SLC12A7: variants seen among roughly 807,000 people sequenced by gnomAD.
The protein encoded by SLC12A7 is solute carrier family 12 member 7, also known as K-Cl cotransporter 4.
A neutral mutation model predicts 120.6 loss-of-function variants in SLC12A7; 100 were observed. The ratio of observed to expected loss-of-function variants is 0.83; its 90% CI spans 0.71 to 0.98. The LOEUF (loss-of-function observed/expected upper bound fraction) is 0.98. Among genes scored for constraint, SLC12A7 ranks in the 50% least tolerant of loss-of-function variants. SLC12A7 has a pLI of 0.00. For synonymous variants in SLC12A7, 760 were observed against 678.0 expected, an observed-to-expected ratio of 1.12 and a Z score of -1.88; for missense variants, 1,373 against 1,548.1, an observed-to-expected ratio of 0.89 and a Z score of 1.90.
chr5:1,068,391 G>A (rs1034049966), intron 17 of SLC12A7, among the ~76,000 whole-genome samples: 4 of 152,076 alleles, frequency 2.6e-5, no homozygotes, highest in Admixed American at 6.5e-5. Context: ...CTGAGACGGC[G>A]CCACTGCACT....
rs1561102275 is a variant in SLC12A7, at chr5:1,098,724, TCACCCAGCCCCCCTCTAACCCTCTGCA to T, written c.125-4503_125-4477del. Among the ~76,000 whole-genome samples the T allele has an allele frequency of 5.8e-4, 6 of 10,380 alleles. No individual in the cohort carries two copies. In the East Asian group the frequency reaches 7.5e-3, roughly 13 times the overall value. 6.8% of individuals were successfully genotyped at this position (10,380 alleles called of 152,430 possible). On this transcript the variant is annotated intron_variant, in intron 1 of 23. Coordinates refer to ENST00000264930, the MANE Select transcript of SLC12A7 (RefSeq NM_006598.3). ...ACCCAGCCCCCCTCTAACCCTCTGCTCACCCAGCCCCCCTCTAACCCTCTGCACACCCAGCCCCCCTCTAACCCTCTG... is the reference window on the plus strand; with the variant it reads ...ACCCAGCCCCCCTCTAACCCTCTGCTCACCCAGCCCCCCTCTAACCCTCTG...
the SLC12A7 span, among the ~76,000 whole-genome samples, chr5:1,143,696 A>C: frequency 1.2e-4 from 18 of 152,104 alleles, no homozygotes; most frequent in African/African-American, 4.3e-4. Context: ...CTTCACCCAG[A>C]GCGCTGCCAC....
At chr5:1,126,061 A>T in the SLC12A7 span, among the ~76,000 whole-genome samples, 1 of 152,122 alleles carries the variant, frequency 6.6e-6, no homozygotes, top group Non-Finnish European at 1.5e-5. Context: ...ACACAATATT[A>T]ACCCATGAAT....
intron 14 of SLC12A7, 37 bp from the exon 15 acceptor site, chr5:1,075,527 C>T: frequency 6.3e-7 from 1 of 1,587,476 alleles, no homozygotes; most frequent in Middle Eastern, 1.7e-4. Flanking sequence ...CGGCCCAACG[C>T]CATGCAGCCC....
At chr5:1,155,596 G>A in the SLC12A7 span, among the ~76,000 whole-genome samples, 23 of 151,218 alleles carry the variant, frequency 1.5e-4, no homozygotes, top group African/African-American at 5.3e-4. Context: ...CTGACCGGGA[G>A]CCCCACCCCC....
intron 11 of SLC12A7, 42 bp from the exon 12 acceptor site, chr5:1,078,049 G>C (rs927957498): frequency 1.3e-6 from 2 of 1,528,170 alleles, no homozygotes; most frequent in Non-Finnish European, 1.8e-6. Context: ...TTTCAGAAGT[G>C]AGCCTGAGTC....
At chr5:1,065,115 C>T (rs1324177068) in intron 18 of SLC12A7, among the ~76,000 whole-genome samples, 168 bp downstream of exon 18, 8 of 120,574 alleles carry the variant, frequency 6.6e-5, no homozygotes, top group South Asian at 2.8e-4. Context: ...AGTGAGGGGA[C>T]GGCGAGGGGA....
chr5:1,102,282 G>A (rs1742095156), intron 1 of SLC12A7, among the ~76,000 whole-genome samples: 1 of 152,332 alleles, frequency 6.6e-6, no homozygotes. Context: ...CCTGGGAAGT[G>A]CGTTCATGGG....
chr5:1,075,311 G>C (rs557637397), intron 15 of SLC12A7, 60 bp downstream of exon 15: 46 of 1,574,592 alleles, frequency 2.9e-5, no homozygotes, highest in African/African-American at 4.0e-5. Flanking sequence ...CCCAGGCATA[G>C]CATGAGAGGG....
chr5:1,075,794 G>T, intron 14 of SLC12A7: 1 of 496,760 alleles, frequency 2.0e-6, no homozygotes, highest in Non-Finnish European at 3.5e-6. Flanking sequence ...CTGATTCCTG[G>T]GGAGGGGAGT....
chr5:1,093,777 G>T, intron 2 of SLC12A7, 122 bp from the exon 3 acceptor site: 1 of 1,432,990 alleles, frequency 7.0e-7, no homozygotes. Flanking sequence ...TGGGTCTGAA[G>T]CAAGCCAGAG....
Position 1,076,375 on chromosome 5 carries a change from G to C in SLC12A7, c.1749-139C>G, listed in dbSNP as rs1399413627. 23 of 340,840 alleles carry C rather than the reference G, an allele frequency of 6.7e-5. No homozygotes were observed. In the Admixed American group the frequency reaches 1.6e-3, roughly 24 times the overall value. 21.1% of individuals were successfully genotyped at this position (340,840 alleles called of 1,614,324 possible). A position where few individuals can be genotyped will look rare whatever the true frequency, so the allele number is the denominator to read the frequency against. ...CCATGTCTGTCTCTGCACGTGAGCT[G>C]ACTCAGACTGATTCCGAATCAGGCC... is the stretch of plus-strand genomic sequence containing the variant. On this transcript the variant is annotated intron_variant, in intron 13 of 23. Coordinates refer to ENST00000264930, the MANE Select transcript of SLC12A7 (RefSeq NM_006598.3).
chr5:1,131,477 C>T, the SLC12A7 span, among the ~76,000 whole-genome samples: 4 of 152,222 alleles, frequency 2.6e-5, no homozygotes, highest in South Asian at 2.1e-4. Context: ...ACGGCCGCCA[C>T]GCTGTCGGAA....
chr5:1,137,562 AC>A, the SLC12A7 span, among the ~76,000 whole-genome samples: 688 of 151,000 alleles, frequency 4.6e-3, 5 homozygotes, highest in African/African-American at 0.016. Context: ...GGACGTCCAG[AC>A]CCCCCGAGCA....
At chr5:1,105,377 G>A (rs1742436912) in intron 1 of SLC12A7, among the ~76,000 whole-genome samples, 1 of 149,190 alleles carries the variant, frequency 6.7e-6, no homozygotes, top group African/African-American at 2.5e-5. Flanking sequence ...GCAGGGATGA[G>A]GTCCTGCAGT....
At chr5:1,141,560 T>C in the SLC12A7 span, among the ~76,000 whole-genome samples, 1 of 152,276 alleles carries the variant, frequency 6.6e-6, no homozygotes, top group Admixed American at 6.5e-5. Flanking sequence ...CCCTGGGGAC[T>C]GTCTTCCCCA....
intron 23 of SLC12A7, among the ~76,000 whole-genome samples, chr5:1,052,996 C>T (rs952838643): frequency 2.1e-4 from 32 of 152,358 alleles, no homozygotes; most frequent in South Asian, 2.1e-3. Flanking sequence ...CCACCGTTGT[C>T]GGCGCAGGGT....
Position 1,085,477 on chromosome 5 carries a change from T to G in SLC12A7, c.676-4A>C. On this transcript the variant is annotated splice_region_variant and splice_polypyrimidine_tract_variant and intron_variant, in intron 6 of 23. Coordinates refer to ENST00000264930, the MANE Select transcript of SLC12A7 (RefSeq NM_006598.3). The stretch of plus-strand genomic sequence containing the variant: ...CCGCACCCGGGGAGATGTACGTCTG[T>G]GGGAACAAGGCCGGTCGGGAGGCCG... 1 of 1,603,002 alleles carries G rather than the reference T, an allele frequency of 6.2e-7. No homozygotes were observed. The highest frequency in any genetic ancestry group is 1.1e-5 in the South Asian group (1 of 89,532).
chr5:1,084,105 G>A (rs1391129972), intron 7 of SLC12A7, 149 bp from the exon 8 acceptor site: 10 of 675,618 alleles, frequency 1.5e-5, no homozygotes, highest in East Asian at 8.1e-5. Context: ...CACAGATCAC[G>A]CCAGGGACCG....
Sources: allele counts gnomAD v4.1 joint callset (sites outside exome capture counted in the v4.1 genomes callset), GRCh38; gene constraint gnomAD v4.1.1; transcripts MANE v1.5; gene names NCBI Gene and HGNC (gene_info 2026-07-23, HGNC 2026-07-21).